Variants in FOXN3 observed in about 807,000 individuals in gnomAD.
FOXN3 encodes the protein forkhead box protein N3.
In FOXN3, 7 loss-of-function variants were observed where a neutral mutation model predicts 38.4. The ratio of observed to expected loss-of-function variants is 0.18; its 90% confidence interval spans 0.10 to 0.34. The LOEUF is 0.34. Among genes scored for constraint, FOXN3 ranks in the 10% least tolerant of loss-of-function variants. The pLI is 1.00. For missense variants in FOXN3, 456 were observed against 613.4 expected (o/e 0.74, Z 2.71); for synonymous variants, 230 against 242.2 (o/e 0.95, Z 0.47).
intron 4 of FOXN3, among the ~76,000 whole-genome samples, chr14:89,243,149 A>G (rs1885189490): frequency 6.6e-6 from 1 of 152,170 alleles, no homozygotes; most frequent in African/African-American, 2.4e-5. Context: ...CTATCCCCAA[A>G]GGGCCTGCCA....
intron 4 of FOXN3, among the ~76,000 whole-genome samples, chr14:89,256,363 G>T (rs183978333): frequency 2.0e-5 from 3 of 152,308 alleles, no homozygotes; most frequent in Admixed American, 2.0e-4. Flanking sequence ...GATGATTGAT[G>T]AACGGCACTG....
chr14:89,413,716 GAA>G lies in FOXN3; in HGVS notation c.-14-1228_-14-1227del, dbSNP rs777919567. 2.4e-3 allele frequency among the ~76,000 whole-genome samples: 343 copies of G among 143,646 alleles called. 1 individual carries two copies. Among genetic ancestry groups the G allele is most frequent in the South Asian group, 8.3e-3 (34 of 4,078 alleles). 94.2% of individuals were successfully genotyped at this position (143,646 alleles called of 152,430 possible). A position where few individuals can be genotyped will look rare whatever the true frequency, so the allele number is the denominator to read the frequency against. ...ACGGAAGAGAAGGGGGAAGGGAACG[GAA>G]GAGAAGGGGGAAGGGAAGGGAGAAG... On this transcript the variant is annotated intron_variant, in intron 1 of 5. Transcript: ENST00000557258.
At chr14:89,452,800 ACATATAAACCAGAAAT>A (rs1336291641) in intron 1 of FOXN3, among the ~76,000 whole-genome samples, 1 of 152,244 alleles carries the variant, frequency 6.6e-6, no homozygotes, top group African/African-American at 2.4e-5. Context: ...AAAAACCTGA[ACATATAAACCAGAAAT>A]CAAAACCTTT....
chr14:89,447,914 T>A (rs1257237306), intron 1 of FOXN3, among the ~76,000 whole-genome samples: 2 of 139,446 alleles, frequency 1.4e-5, no homozygotes, highest in Non-Finnish European at 3.0e-5. Context: ...GCCTCCCAGG[T>A]TCAATCGATT....
intron 3 of FOXN3, among the ~76,000 whole-genome samples, chr14:89,293,399 G>A (rs1886937001): frequency 6.6e-6 from 1 of 152,222 alleles, no homozygotes; most frequent in South Asian, 2.1e-4. Flanking sequence ...CTGGAGGGCA[G>A]AAGTCCAAGA....
intron 1 of FOXN3, among the ~76,000 whole-genome samples, chr14:89,441,913 A>G (rs1424459617): frequency 7.0e-6 from 1 of 142,996 alleles, no homozygotes; most frequent in East Asian, 2.1e-4. Context: ...GGGGGCTGAA[A>G]CCGGCTGACT....
chr14:89,342,668 G>A (rs1012373254), intron 3 of FOXN3, among the ~76,000 whole-genome samples: 13 of 151,912 alleles, frequency 8.6e-5, no homozygotes, highest in African/African-American at 3.1e-4. Flanking sequence ...TGAAAGCCCC[G>A]GTATTCAATC....
At chr14:89,178,686 A>G (rs759534934) in intron 5 of FOXN3, among the ~76,000 whole-genome samples, 37 of 152,212 alleles carry the variant, frequency 2.4e-4, no homozygotes, top group Non-Finnish European at 4.6e-4. Context: ...AGTTGAAATA[A>G]CACCTCAAGA....
chr14:89,356,630 G>C (rs61984662), intron 2 of FOXN3: 1 of 152,074 alleles, frequency 6.6e-6, no homozygotes, highest in African/African-American at 2.4e-5. Flanking sequence ...TGATGTTTCT[G>C]ACACACCATT....
At chr14:89,352,458 G>A (rs1051114650) in intron 2 of FOXN3, among the ~76,000 whole-genome samples, 8 of 152,170 alleles carry the variant, frequency 5.3e-5, no homozygotes, top group African/African-American at 1.9e-4. Flanking sequence ...ACAGGAGACA[G>A]GTAACTACCA....
At chr14:89,527,029 C>T (rs994016516) in intron 1 of FOXN3, among the ~76,000 whole-genome samples, 3 of 135,160 alleles carry the variant, frequency 2.2e-5, no homozygotes, top group South Asian at 2.3e-4. Context: ...TTATTGAGGA[C>T]AGGAAAGGAG....
intron 1 of FOXN3, among the ~76,000 whole-genome samples, chr14:89,611,855 C>G (rs243189): frequency 0.5 from 75,368 of 150,574 alleles, 20,479 homozygotes; most frequent in South Asian, 0.61. Context: ...CTAAAAAGCC[C>G]CTTCCATCAC....
At chr14:89,581,649 G>A (rs1895742769) in intron 1 of FOXN3, among the ~76,000 whole-genome samples, 1 of 152,102 alleles carries the variant, frequency 6.6e-6, no homozygotes, top group African/African-American at 2.4e-5. Context: ...CCAGGGCCAT[G>A]GTGTTTGATG....
chr14:89,422,879 G>T (rs1483009166), intron 1 of FOXN3, among the ~76,000 whole-genome samples: 1 of 152,232 alleles, frequency 6.6e-6, no homozygotes, highest in Non-Finnish European at 1.5e-5. Context: ...GTAGGGTGAA[G>T]TTCATCAGCT....
At chr14:89,584,843 G>T (rs1460147283) in intron 1 of FOXN3, among the ~76,000 whole-genome samples, 1 of 152,042 alleles carries the variant, frequency 6.6e-6, no homozygotes, top group Non-Finnish European at 1.5e-5. Context: ...CTCCTGAGTA[G>T]CTGGGATTAC....
At chr14:89,538,181 T>C (rs188317669) in intron 1 of FOXN3, among the ~76,000 whole-genome samples, 4 of 152,332 alleles carry the variant, frequency 2.6e-5, no homozygotes, top group Non-Finnish European at 5.9e-5. Flanking sequence ...ATCCACGTAA[T>C]GTATTTGTTC....
intron 2 of FOXN3, among the ~76,000 whole-genome samples, chr14:89,382,151 G>T (rs1385465186): frequency 6.6e-6 from 1 of 151,848 alleles, no homozygotes; most frequent in Non-Finnish European, 1.5e-5. Flanking sequence ...TCCCTTCCTT[G>T]TCTGCCTACC....
At chr14:89,582,561 G>T (rs1249737825) in intron 1 of FOXN3, among the ~76,000 whole-genome samples, 3 of 146,234 alleles carry the variant, frequency 2.1e-5, no homozygotes, top group African/African-American at 7.6e-5. Flanking sequence ...GCAATCTCAG[G>T]TCACTGCAAG....
At chr14:89,427,070 A>G (rs1015873523) in intron 1 of FOXN3, among the ~76,000 whole-genome samples, 1 of 151,726 alleles carries the variant, frequency 6.6e-6, no homozygotes, top group Non-Finnish European at 1.5e-5. Context: ...TGTTACTAAA[A>G]ATACAAAAAT....
Sources: allele counts gnomAD v4.1 joint callset (sites outside exome capture counted in the v4.1 genomes callset), GRCh38; gene constraint gnomAD v4.1.1; transcripts MANE v1.5; gene names NCBI Gene and HGNC (gene_info 2026-07-23, HGNC 2026-07-21).